ANKIB1: variants seen among roughly 807,000 people sequenced by gnomAD.
ANKIB1 encodes ankyrin repeat and IBR domain containing 1.
A neutral mutation model predicts 122.1 loss-of-function variants in ANKIB1; 43 were observed. That is an observed-to-expected ratio of 0.35 (90% CI 0.28 to 0.45). ANKIB1 has a LOEUF of 0.45. Among genes scored for constraint, ANKIB1 ranks in the 20% least tolerant of loss-of-function variants. The probability of loss-of-function intolerance (pLI) is 1.00; values close to 1 mark genes in which losing one functional copy is unlikely to be tolerated. For missense variants in ANKIB1, 992 were observed against 1,329.5 expected (o/e 0.75, Z 3.95); for synonymous variants, 390 against 442.0 (o/e 0.88, Z 1.48).
chr7:92,249,850 C>G (rs998361145), intron 1 of ANKIB1, among the ~76,000 whole-genome samples: 44 of 152,090 alleles, frequency 2.9e-4, no homozygotes, highest in African/African-American at 9.9e-4. Flanking sequence ...TATTTTATCT[C>G]CATTTAAAGA....
intron 10 of ANKIB1, among the ~76,000 whole-genome samples, chr7:92,367,935 C>G (rs1244771994): frequency 6.6e-6 from 1 of 152,126 alleles, no homozygotes; most frequent in Non-Finnish European, 1.5e-5. Flanking sequence ...GCAAGAGGAT[C>G]ACTTGACGCT....
chr7:92,283,553 C>T (rs1036237330), intron 1 of ANKIB1, among the ~76,000 whole-genome samples: 11 of 152,124 alleles, frequency 7.2e-5, no homozygotes, highest in Non-Finnish European at 1.0e-4. Context: ...GGTCTGTCTC[C>T]TGCTCCTGGT....
intron 1 of ANKIB1, among the ~76,000 whole-genome samples, chr7:92,282,349 T>A (rs1452238016): frequency 6.6e-6 from 1 of 152,048 alleles, no homozygotes; most frequent in Non-Finnish European, 1.5e-5. Context: ...GCGACAGGGT[T>A]TCACCCTGTT....
In ANKIB1 at chr7:92,273,705, G is replaced by A. The variant is rs768465910; in HGVS notation, c.-90-21184G>A. On this transcript the variant is annotated intron_variant, in intron 1 of 19. Transcript: ENST00000265742. ...AATACAAAGGGAGTGGAGGTTTGTA[G>A]CACTTGGAAAATGACTGCATTAAAG... Among the ~76,000 whole-genome samples, 5 of 152,148 alleles carry A rather than the reference G, an allele frequency of 3.3e-5. No individual in the cohort carries two copies. In the East Asian group the frequency reaches 7.7e-4, roughly 23 times the overall value.
chr7:92,341,942 A>G (rs1426210474), intron 5 of ANKIB1, among the ~76,000 whole-genome samples: 2 of 152,122 alleles, frequency 1.3e-5, no homozygotes, highest in Non-Finnish European at 2.9e-5. Flanking sequence ...CTATATTTAT[A>G]TACGTACTTG....
intron 3 of ANKIB1, among the ~76,000 whole-genome samples, chr7:92,308,040 T>G (rs994923762): frequency 2.0e-5 from 3 of 151,896 alleles, no homozygotes; most frequent in African/African-American, 7.3e-5. Flanking sequence ...CCCAGCTAAT[T>G]TTTGTATTTT....
intron 17 of ANKIB1, 94 bp from the exon 18 acceptor site, chr7:92,396,271 A>T (rs766916473): frequency 4.1e-6 from 3 of 733,594 alleles, no homozygotes; most frequent in Non-Finnish European, 7.1e-6. Context: ...TAAAATCACA[A>T]ACTTTTTCCC....
chr7:92,338,992 TC>T (rs1434690137), intron 5 of ANKIB1, among the ~76,000 whole-genome samples: 1 of 136,670 alleles, frequency 7.3e-6, no homozygotes, highest in Non-Finnish European at 1.6e-5. Flanking sequence ...CTTCCTTTTT[TC>T]TTTATGCTTA....
At chr7:92,259,458 T>C (rs1195023699) in intron 1 of ANKIB1, among the ~76,000 whole-genome samples, 1 of 152,220 alleles carries the variant, frequency 6.6e-6, no homozygotes, top group African/African-American at 2.4e-5. Flanking sequence ...ATCTGTATAT[T>C]AAATAATTTA....
chr7:92,363,361 A>G (rs1331467212), intron 10 of ANKIB1, among the ~76,000 whole-genome samples: 1 of 152,166 alleles, frequency 6.6e-6, no homozygotes, highest in African/African-American at 2.4e-5. Flanking sequence ...CAGTGAGGCA[A>G]GATTGCGCCA....
chr7:92,300,082 T>C (rs977327627), intron 2 of ANKIB1, among the ~76,000 whole-genome samples: 1 of 152,130 alleles, frequency 6.6e-6, no homozygotes, highest in Non-Finnish European at 1.5e-5. Flanking sequence ...TGTGGGGACT[T>C]ACAGGCATGA....
chr7:92,279,533 G>C (rs1401799993), intron 1 of ANKIB1, among the ~76,000 whole-genome samples: 1 of 152,110 alleles, frequency 6.6e-6, no homozygotes, highest in African/African-American at 2.4e-5. Context: ...GTTTTTCATA[G>C]TTTAGGGCCC....
intron 5 of ANKIB1, among the ~76,000 whole-genome samples, chr7:92,328,950 T>C (rs564099640): frequency 3.6e-4 from 53 of 148,452 alleles, no homozygotes; most frequent in African/African-American, 1.3e-3. Context: ...ATAATATATA[T>C]ATACACACAC....
chr7:92,374,004 G>A (rs976860251), intron 11 of ANKIB1, among the ~76,000 whole-genome samples: 1 of 151,978 alleles, frequency 6.6e-6, no homozygotes, highest in African/African-American at 2.4e-5. Flanking sequence ...TAATTACTAA[G>A]GTATATCTGT....
intron 1 of ANKIB1, among the ~76,000 whole-genome samples, chr7:92,291,608 T>TGGCCTG (rs1366910758): frequency 4.7e-5 from 7 of 148,574 alleles, no homozygotes; most frequent in Non-Finnish European, 8.9e-5. Flanking sequence ...TCTTACACTG[T>TGGCCTG]GGCCTGGGCC....
chr7:92,335,285 G>C (rs535010000), intron 5 of ANKIB1, among the ~76,000 whole-genome samples: 1 of 151,870 alleles, frequency 6.6e-6, no homozygotes. Context: ...TTTGAAATTT[G>C]TTGAGGCTTG....
chr7:92,339,851 T>C (rs1272851595), intron 5 of ANKIB1, among the ~76,000 whole-genome samples: 1 of 152,054 alleles, frequency 6.6e-6, no homozygotes, highest in Non-Finnish European at 1.5e-5. Flanking sequence ...ATTTTTTCTA[T>C]CAATAGTTTC....
At chr7:92,366,214 T>C (rs1804080171) in intron 10 of ANKIB1, among the ~76,000 whole-genome samples, 1 of 152,076 alleles carries the variant, frequency 6.6e-6, no homozygotes, top group South Asian at 2.1e-4. Context: ...AGCAAGTATT[T>C]TTCTTTTATT....
chr7:92,385,945 C>G (rs1804632903), intron 11 of ANKIB1, among the ~76,000 whole-genome samples: 1 of 151,988 alleles, frequency 6.6e-6, no homozygotes, highest in African/African-American at 2.4e-5. Context: ...ATGGGAAGAT[C>G]TTTTTAACTG....
Sources: gnomAD v4.1 joint callset for allele counts (sites outside exome capture counted in the v4.1 genomes callset) on GRCh38, gnomAD v4.1.1 for gene constraint, MANE v1.5 for transcripts, NCBI Gene and HGNC (gene_info 2026-07-23, HGNC 2026-07-21) for gene names.